The following LIPG variants were observed in gnomAD, a reference collection of about 807,000 sequenced individuals.
LIPG encodes endothelial lipase.
LIPG carries 34 observed loss-of-function variants against 51.8 expected under a neutral mutation model. The observed-to-expected ratio is 0.66, with a 90% CI of 0.50 to 0.87. LIPG has a LOEUF of 0.87. Among genes scored for constraint, LIPG ranks in the 40% least tolerant of loss-of-function variants. The probability of loss-of-function intolerance (pLI) is 0.00; values close to 1 mark genes in which losing one functional copy is unlikely to be tolerated. For synonymous variants in LIPG, 246 were observed against 246.1 expected, an observed-to-expected ratio of 1.00 and a Z score of 0.00; for missense variants, 580 against 652.7, an observed-to-expected ratio of 0.89 and a Z score of 1.21.
chr18:49,578,112 CG>C (rs1284047218), intron 5 of LIPG, among the ~76,000 whole-genome samples: 2 of 60,298 alleles, frequency 3.3e-5, no homozygotes, highest in Admixed American at 2.4e-4. Context: ...GCTGGCCGGG[CG>C]GGGGGCTGAC....
chr18:49,562,963 G>T (rs1568524685), intron 1 of LIPG, among the ~76,000 whole-genome samples: 1 of 152,216 alleles, frequency 6.6e-6, no homozygotes, highest in African/African-American at 2.4e-5. Context: ...CAACACTCTT[G>T]TGCTCCCCCG....
rs2143985684 is a variant in LIPG, at chr18:49,591,005, G to A, written c.*483G>A. 1 of 252,328 alleles carries A rather than the reference G, an allele frequency of 4.0e-6. No homozygotes were observed. 15.6% of individuals were successfully genotyped at this position (252,328 alleles called of 1,614,324 possible). ...GGCCTGGTATCTTGCTCGGGCCCTA[G>A]CTGTTGGGGTTCTCATGGGTTGCAC... On this transcript the variant is annotated 3_prime_UTR_variant, in exon 10 of 10. Coordinates refer to ENST00000261292, the MANE Select transcript of LIPG (RefSeq NM_006033.4).
intron 1 of LIPG, among the ~76,000 whole-genome samples, chr18:49,564,576 G>A (rs2084582851): frequency 6.6e-6 from 1 of 152,236 alleles, no homozygotes; most frequent in Non-Finnish European, 1.5e-5. Flanking sequence ...CACTAGAAAG[G>A]GCACTGAGGA....
Position 49,598,117 on chromosome 18 carries a change from T to A in LIPG, c.*7595T>A, listed in dbSNP as rs1411121374. On this transcript the variant is annotated 3_prime_UTR_variant, in exon 10 of 10. Transcript: ENST00000261292. ...TAGGATTCTTTTTGAAGAATATATATCATCCAAAAAGAGGTCCTAGGAAAT... is the reference window on the plus strand; with the variant it reads ...TAGGATTCTTTTTGAAGAATATATAACATCCAAAAAGAGGTCCTAGGAAAT... The A allele has an allele frequency of 2.0e-5, 3 of 152,220 alleles. No homozygotes were observed. The East Asian group carries it at 5.8e-4, about 29-fold the overall frequency. The allele number at this position is 152,220 out of a possible 1,614,324, so 9.4% of individuals were successfully genotyped here.
intron 1 of LIPG, 132 bp downstream of exon 1, chr18:49,562,537 C>A (rs1007450446): frequency 1.2e-6 from 1 of 827,898 alleles, no homozygotes; most frequent in African/African-American, 1.7e-5. Flanking sequence ...TTCTCTCCTC[C>A]AATCCACCTT....
At position 49,595,677 on chromosome 18, in the gene LIPG, A is replaced by T. The variant is rs2143992834; in HGVS notation, c.*5155A>T. 6.6e-6 allele frequency: 1 copy of T among 152,244 alleles called. No homozygotes were observed. Among genetic ancestry groups the T allele is most frequent in the East Asian group, 1.9e-4 (1 of 5,172 alleles). 9.4% of individuals were successfully genotyped at this position (152,244 alleles called of 1,614,324 possible). ...ACCACGTCTCTGCTAAAAATACAAA[A>T]ATTAGCTGGGCGTGGTGGCACGTGC... On this transcript the variant is annotated 3_prime_UTR_variant, in exon 10 of 10. Transcript: ENST00000261292.
At chr18:49,577,831 G>T (rs1317580483) in intron 5 of LIPG, among the ~76,000 whole-genome samples, 3 of 118,984 alleles carry the variant, frequency 2.5e-5, no homozygotes, top group East Asian at 2.2e-4. Flanking sequence ...GGGGCGGCTG[G>T]CCGGGTGGGG....
intron 5 of LIPG, among the ~76,000 whole-genome samples, chr18:49,579,866 T>G (rs528142378): frequency 6.6e-6 from 1 of 151,264 alleles, no homozygotes; most frequent in Non-Finnish European, 1.5e-5. Flanking sequence ...CAGGCTGGAG[T>G]GCAATGGTGT....
chr18:49,572,846 C>A (rs1486768376), intron 4 of LIPG, among the ~76,000 whole-genome samples: 1 of 152,102 alleles, frequency 6.6e-6, no homozygotes, highest in Non-Finnish European at 1.5e-5. Context: ...GCTCCATTTG[C>A]TGGACAAAGC....
intron 5 of LIPG, among the ~76,000 whole-genome samples, chr18:49,576,560 C>T (rs1274674637): frequency 6.8e-6 from 1 of 147,150 alleles, no homozygotes; most frequent in Non-Finnish European, 1.5e-5. Context: ...TTCTGCCTCC[C>T]AGATTCAAGC....
chr18:49,565,474 C>A lies in LIPG; in HGVS notation c.255C>A (p.Thr85=), dbSNP rs1203609936. The part of the protein sequence containing the change: ...EDCSFNMTAK[T]FFIIHGWTMS... ...GCAGTTTCAACATGACAGCTAAAACCTTTTTCATCATTCACGGATGGACGG... is the reference window on the plus strand; with the variant it reads ...GCAGTTTCAACATGACAGCTAAAACATTTTTCATCATTCACGGATGGACGG... The change falls in exon 2 of 10, where the codon ACC becomes ACA. Residue 85 remains threonine (T), a synonymous_variant. Transcript: ENST00000261292. The A allele has an allele frequency of 6.2e-7, 1 of 1,614,084 alleles. No homozygotes were observed. The highest frequency in any genetic ancestry group is 8.5e-7 in the Non-Finnish European group (1 of 1,180,050).
At chr18:49,590,075 T>C (rs536252735) in intron 9 of LIPG, 4 of 321,620 alleles carry the variant, frequency 1.2e-5, no homozygotes, top group South Asian at 8.7e-5. Flanking sequence ...TAACTCTCAG[T>C]CTTGCCCCCT....
chr18:49,587,708 T>C (rs2084898570), intron 9 of LIPG, among the ~76,000 whole-genome samples: 1 of 152,110 alleles, frequency 6.6e-6, no homozygotes, highest in Non-Finnish European at 1.5e-5. Flanking sequence ...AGGGGTTCAT[T>C]GTACATGACC....
Position 49,582,359 on chromosome 18 carries a change from C to T in LIPG, c.1037-3C>T, listed in dbSNP as rs1568535019. ...AAGCATCTTTGTTCTGCTGTCACTG[C>T]AGTTTACCATTATCAGATGAAAATC... On this transcript the variant is annotated splice_polypyrimidine_tract_variant and splice_region_variant and intron_variant, in intron 6 of 9. Transcript: ENST00000261292. The T allele has an allele frequency of 1.9e-6, 3 of 1,614,168 alleles. No homozygotes were observed. The highest frequency in any genetic ancestry group is 1.3e-5 in the African/African-American group (1 of 75,040).
chr18:49,598,984 ATAAC>A lies in LIPG; in HGVS notation c.*8463_*8466del, dbSNP rs2143997437. The stretch of plus-strand genomic sequence containing the variant: ...AAGCAGTATTCCACTGTATAGATAA[ATAAC>A]ATTTTGTTTATCCGTTTACTTGTTG... On this transcript the variant is annotated 3_prime_UTR_variant, in exon 10 of 10. Coordinates refer to ENST00000261292, the MANE Select transcript of LIPG (RefSeq NM_006033.4). 6.6e-6 allele frequency: 1 copy of A among 152,342 alleles called. No individual in the cohort carries two copies. Among genetic ancestry groups the A allele is most frequent in the South Asian group, 2.1e-4 (1 of 4,830 alleles). The allele number at this position is 152,342 out of a possible 1,614,324, so 9.4% of individuals were successfully genotyped here.
intron 9 of LIPG, chr18:49,590,221 G>A (rs2084926756): frequency 1.9e-6 from 1 of 515,594 alleles, no homozygotes; most frequent in South Asian, 1.9e-5. Context: ...GTTGTGGGTG[G>A]ATAATATGTA....
intron 5 of LIPG, 56 bp downstream of exon 5, chr18:49,575,646 A>C: frequency 6.9e-7 from 1 of 1,440,818 alleles, no homozygotes; most frequent in Non-Finnish European, 9.7e-7. Flanking sequence ...TCTCCTTCTA[A>C]ATCAGCCAGA....
rs144602077 is a variant in LIPG at position 49,589,840 on chromosome 18, C to T, written c.1482-661C>T. On this transcript the variant is annotated intron_variant, in intron 9 of 9. Coordinates refer to ENST00000261292, the MANE Select transcript of LIPG (RefSeq NM_006033.4). ...ATACCTGAGAACTCTATGATTCACC[C>T]TCTCACTACTAATTTTAGAAAACAA... 1.1e-3 allele frequency: 178 copies of T among 156,602 alleles called. 1 individual carries two copies. Among genetic ancestry groups the T allele is most frequent in the Non-Finnish European group, 2.2e-3 (157 of 70,408 alleles). The allele number at this position is 156,602 out of a possible 1,614,324, so 9.7% of individuals were successfully genotyped here. A position where few individuals can be genotyped will look rare whatever the true frequency, so the allele number is the denominator to read the frequency against.
At chr18:49,584,244 G>C (rs1568536301) in intron 8 of LIPG, among the ~76,000 whole-genome samples, 1 of 152,182 alleles carries the variant, frequency 6.6e-6, no homozygotes, top group Admixed American at 6.5e-5. Flanking sequence ...CTGATTTTCA[G>C]AGCATTATTC....
Sources: allele counts gnomAD v4.1 joint callset (sites outside exome capture counted in the v4.1 genomes callset), GRCh38; gene constraint gnomAD v4.1.1; transcripts MANE v1.5; gene names NCBI Gene and HGNC (gene_info 2026-07-23, HGNC 2026-07-21).